The following TCF4 variants were observed in gnomAD, a reference collection of about 807,000 sequenced individuals.
TCF4 encodes the protein transcription factor 4.
A neutral mutation model predicts 82.1 loss-of-function variants in TCF4; 3 were observed. The ratio of observed to expected loss-of-function variants is 0.04; its 90% CI spans 0.02 to 0.09. The LOEUF (loss-of-function observed/expected upper bound fraction) is 0.09. TCF4 is among the 10% of genes least tolerant of loss of function. The pLI, the probability that TCF4 is intolerant of heterozygous loss-of-function variation, is 1.00. For synonymous variants in TCF4, 276 were observed against 309.6 expected (o/e 0.89, Z 1.14); for missense variants, 518 against 852.7 (o/e 0.61, Z 4.89).
chr18:55,272,968 T>C (rs139977756), intron 10 of TCF4, among the ~76,000 whole-genome samples: 1 of 152,278 alleles, frequency 6.6e-6, no homozygotes, highest in East Asian at 1.9e-4. Flanking sequence ...GCAAAGACCA[T>C]GCCTAAATCA....
intron 3 of TCF4, among the ~76,000 whole-genome samples, chr18:55,582,260 T>C (rs947151372): frequency 2.6e-5 from 4 of 152,232 alleles, no homozygotes; most frequent in Non-Finnish European, 5.9e-5. Context: ...CATCCAGGCA[T>C]GTGGATGCTT....
chr18:55,578,929 A>G (rs1300267403), intron 3 of TCF4, among the ~76,000 whole-genome samples: 2 of 151,974 alleles, frequency 1.3e-5, no homozygotes, highest in African/African-American at 4.8e-5. Flanking sequence ...TAAATAAAAT[A>G]CTTTCTTACA....
In TCF4 at chr18:55,563,006, G is replaced by A. The variant is rs528477783; in HGVS notation, c.145+22274C>T. ...TGTAATTCCAACACTTTGGGAGGCC[G>A]AGGCAGGCAGATCACTTGAGCCTAC... is the stretch of plus-strand genomic sequence containing the variant. On this transcript the variant is annotated intron_variant, in intron 3 of 19. Coordinates refer to ENST00000354452, the MANE Select transcript of TCF4 (RefSeq NM_001083962.2). Among the ~76,000 whole-genome samples the A allele has an allele frequency of 5.4e-4, 82 of 152,180 alleles. 1 individual carries two copies. Among genetic ancestry groups the A allele is most frequent in the African/African-American group, 1.7e-3 (72 of 41,522 alleles).
intron 3 of TCF4, among the ~76,000 whole-genome samples, chr18:55,464,383 C>T (rs2095956542): frequency 6.6e-6 from 1 of 152,184 alleles, no homozygotes; most frequent in Non-Finnish European, 1.5e-5. Flanking sequence ...CCATCCTTCA[C>T]AGTGTTTGAT....
At chr18:55,372,146 GGTGTGTGTGTATGT>G (rs891232146) in intron 6 of TCF4, among the ~76,000 whole-genome samples, 21 of 151,968 alleles carry the variant, frequency 1.4e-4, no homozygotes, top group African/African-American at 5.1e-4. Flanking sequence ...AATGATACTG[GGTGTGTGTGTATGT>G]GTGTGTGTGA....
intron 3 of TCF4, among the ~76,000 whole-genome samples, chr18:55,517,067 A>G (rs1410437585): frequency 6.6e-6 from 1 of 152,154 alleles, no homozygotes; most frequent in Non-Finnish European, 1.5e-5. Context: ...TGAATTCTTA[A>G]AAGTCAGAAC....
chr18:55,549,966 G>C lies in TCF4; in HGVS notation c.145+35314C>G, dbSNP rs865860474. ...ATCAAGTCCAATAAATCATGCCCTT[G>C]CCTAGCATGACCAATACGGTAACTG... On this transcript the variant is annotated intron_variant, in intron 3 of 19. Coordinates refer to ENST00000354452, the MANE Select transcript of TCF4 (RefSeq NM_001083962.2). 5.9e-5 allele frequency among the ~76,000 whole-genome samples: 9 copies of C among 152,244 alleles called. No individual in the cohort carries two copies. The Middle Eastern group carries it at 0.014, about 230-fold the overall frequency.
At chr18:55,623,834 T>C (rs1318395794) in intron 2 of TCF4, among the ~76,000 whole-genome samples, 1 of 152,150 alleles carries the variant, frequency 6.6e-6, no homozygotes, top group Non-Finnish European at 1.5e-5. Context: ...ATTTAATGGT[T>C]ATTGCAGGGC....
At chr18:55,329,100 G>A (rs1199184902) in intron 8 of TCF4, among the ~76,000 whole-genome samples, 4 of 152,150 alleles carry the variant, frequency 2.6e-5, no homozygotes, top group African/African-American at 9.7e-5. Context: ...ATTTTAAAAT[G>A]CAAGTGAATG....
chr18:55,332,077 A>G (rs1463701701), intron 8 of TCF4: 1 of 152,162 alleles, frequency 6.6e-6, no homozygotes, highest in Non-Finnish European at 1.5e-5. Flanking sequence ...TTTGTTTCAA[A>G]TGTTCTTTAA....
intron 11 of TCF4, chr18:55,268,836 A>T (rs1029925817): frequency 1.3e-5 from 2 of 152,096 alleles, no homozygotes; most frequent in African/African-American, 2.4e-5. Context: ...TACACTGAGT[A>T]TTCTCCCCAC....
intron 2 of TCF4, chr18:55,586,378 G>A: frequency 3.6e-6 from 2 of 561,878 alleles, no homozygotes; most frequent in South Asian, 1.8e-5. Flanking sequence ...CTTGGTTTAG[G>A]AAAAGGAAGC....
At chr18:55,629,927 A>C (rs2097730026) in intron 2 of TCF4, among the ~76,000 whole-genome samples, 1 of 152,194 alleles carries the variant, frequency 6.6e-6, no homozygotes. Context: ...GCATTTTATC[A>C]AACTTATTCA....
chr18:55,368,431 T>C (rs1232161434), intron 6 of TCF4, among the ~76,000 whole-genome samples: 6 of 152,158 alleles, frequency 3.9e-5, no homozygotes, highest in Non-Finnish European at 7.4e-5. Flanking sequence ...GAGTTATAGA[T>C]GTTATGTTAG....
chr18:55,618,431 G>C (rs931291474), intron 2 of TCF4, among the ~76,000 whole-genome samples: 4 of 151,862 alleles, frequency 2.6e-5, no homozygotes, highest in Non-Finnish European at 4.4e-5. Context: ...TTATCTCTTT[G>C]TATCAGTTGT....
chr18:55,402,050 C>T, intron 6 of TCF4: 1 of 985,552 alleles, frequency 1.0e-6, no homozygotes, highest in Non-Finnish European at 1.2e-6. Flanking sequence ...AACATTTGCA[C>T]TCACATTCCA....
At chr18:55,489,789 G>C (rs2096556661) in intron 3 of TCF4, among the ~76,000 whole-genome samples, 1 of 152,136 alleles carries the variant, frequency 6.6e-6, no homozygotes, top group African/African-American at 2.4e-5. Context: ...AACACTCAAT[G>C]AGAGTCTGTT....
At position 55,223,831 on chromosome 18, in the gene TCF4, A is replaced by C. The variant is rs1488667491; in HGVS notation, c.*4204T>G. 4.6e-5 allele frequency: 7 copies of C among 152,416 alleles called. No homozygotes were observed. Among genetic ancestry groups the C allele is most frequent in the Non-Finnish European group, 8.8e-5 (6 of 68,004 alleles). 9.4% of individuals were successfully genotyped at this position (152,416 alleles called of 1,614,324 possible). On this transcript the variant is annotated 3_prime_UTR_variant, in exon 20 of 20. Coordinates refer to ENST00000354452, the MANE Select transcript of TCF4 (RefSeq NM_001083962.2). ...AAACAAAAACAAAAACAAAACAAAA[A>C]ACAAACAAAAAAGCTACCCATACAG...
intron 10 of TCF4, among the ~76,000 whole-genome samples, chr18:55,274,024 A>C (rs1253338876): frequency 2.0e-5 from 3 of 152,156 alleles, no homozygotes; most frequent in Non-Finnish European, 4.4e-5. Flanking sequence ...GCAACTCTTA[A>C]AAGAACTGAA....
Sources: gnomAD v4.1 joint callset for allele counts (sites outside exome capture counted in the v4.1 genomes callset) on GRCh38, gnomAD v4.1.1 for gene constraint, MANE v1.5 for transcripts, NCBI Gene and HGNC (gene_info 2026-07-23, HGNC 2026-07-21) for gene names.